Variants in AP2B1 observed in about 807,000 individuals in gnomAD.
AP2B1 encodes adaptor related protein complex 2 subunit beta 1, also known as AP-2 complex subunit beta.
A neutral mutation model predicts 102.0 loss-of-function variants in AP2B1; 23 were observed. The observed-to-expected ratio is 0.23, with a 90% confidence interval of 0.16 to 0.32. The LOEUF (loss-of-function observed/expected upper bound fraction) is 0.32, where lower values mean the gene tolerates loss of function less well. AP2B1 is among the 10% of genes least tolerant of loss of function. The pLI is 1.00. For synonymous variants in AP2B1, 381 were observed against 421.2 expected (o/e 0.90, Z 1.17); for missense variants, 541 against 1,157.4 (o/e 0.47, Z 7.73).
chr17:35,633,763 A>G (rs2074529445), intron 9 of AP2B1, among the ~76,000 whole-genome samples: 1 of 152,234 alleles, frequency 6.6e-6, no homozygotes, highest in Non-Finnish European at 1.5e-5. Context: ...AACTAACAAT[A>G]ATTCTTAATT....
chr17:35,672,564 G>GA (rs1372623857), intron 16 of AP2B1, among the ~76,000 whole-genome samples: 3 of 152,206 alleles, frequency 2.0e-5, no homozygotes, highest in African/African-American at 7.2e-5. Flanking sequence ...CCTTATGGGG[G>GA]ATCCCTGCTA....
At chr17:35,589,231 A>G (rs2073004382) in intron 1 of AP2B1, among the ~76,000 whole-genome samples, 3 of 152,192 alleles carry the variant, frequency 2.0e-5, no homozygotes, top group Admixed American at 2.0e-4. Flanking sequence ...TTATTACTGA[A>G]TATTTGATTA....
At chr17:35,623,097 AT>A (rs11397695) in intron 5 of AP2B1, among the ~76,000 whole-genome samples, 17,825 of 146,420 alleles carry the variant, frequency 0.12, 1,090 homozygotes, top group Middle Eastern at 0.2. Flanking sequence ...GTATGTATGC[AT>A]TTTTTTTTTT....
intron 18 of AP2B1, among the ~76,000 whole-genome samples, chr17:35,687,814 G>C (rs1157829702): frequency 6.6e-6 from 1 of 152,122 alleles, no homozygotes; most frequent in African/African-American, 2.4e-5. Context: ...GCTTCCTAAA[G>C]TGCTGGAATT....
intron 1 of AP2B1, among the ~76,000 whole-genome samples, chr17:35,589,336 A>G (rs1261728757): frequency 6.6e-6 from 1 of 152,222 alleles, no homozygotes; most frequent in Non-Finnish European, 1.5e-5. Context: ...GTTTTTCACT[A>G]TGAGCACTGA....
intron 17 of AP2B1, among the ~76,000 whole-genome samples, chr17:35,676,472 A>G (rs1405600011): frequency 6.6e-6 from 1 of 152,218 alleles, no homozygotes; most frequent in African/African-American, 2.4e-5. Context: ...GTTGTTAAGT[A>G]ATACTCCATT....
Position 35,709,269 on chromosome 17 carries a change from A to G in AP2B1, c.2500A>G (p.Ile834Val). 1 of 1,614,184 alleles carries G rather than the reference A, an allele frequency of 6.2e-7. No homozygotes were observed. Among genetic ancestry groups the G allele is most frequent in the Non-Finnish European group, 8.5e-7 (1 of 1,180,032 alleles). Residue 834 changes from isoleucine (I) to valine (V), a missense_variant, in exon 19 of 22, where the codon ATC becomes GTC. By Grantham distance (29) the Ile-to-Val change is conservative. Around this residue, in one of 10 missense-constraint regions of AP2B1, gnomAD observed 117 missense variants for 206.7 expected, o/e 0.57. Coordinates refer to ENST00000610402, the MANE Select transcript of AP2B1 (RefSeq NM_001030006.2). Reference protein sequence around the residue: ...NIDVFYFSCLIPLNVLFVEDG... With the variant: ...NIDVFYFSCLVPLNVLFVEDG... ...CGATGTCTTCTACTTCAGCTGCCTC[A>G]TCCCACTCAATGTGCTTTTTGTAGA...
At chr17:35,693,099 C>A (rs2076073039) in intron 18 of AP2B1, among the ~76,000 whole-genome samples, 1 of 152,114 alleles carries the variant, frequency 6.6e-6, no homozygotes, top group Non-Finnish European at 1.5e-5. Flanking sequence ...CTCACTACAA[C>A]CTCTGCCTCT....
At chr17:35,611,043 A>G (rs767059025) in intron 5 of AP2B1, among the ~76,000 whole-genome samples, 1 of 152,164 alleles carries the variant, frequency 6.6e-6, no homozygotes, top group Non-Finnish European at 1.5e-5. Flanking sequence ...CCACTGCATT[A>G]TAGCCTGAGT....
At chr17:35,656,280 G>GGGGCCAAGA (rs2075217306) in intron 13 of AP2B1, among the ~76,000 whole-genome samples, 2 of 152,200 alleles carry the variant, frequency 1.3e-5, no homozygotes, top group African/African-American at 2.4e-5. Context: ...GGGGGCCAAG[G>GGGGCCAAGA]TTCATTTTTC....
intron 18 of AP2B1, among the ~76,000 whole-genome samples, chr17:35,693,190 T>C (rs1259725007): frequency 6.6e-6 from 1 of 152,100 alleles, no homozygotes; most frequent in East Asian, 1.9e-4. Flanking sequence ...GCTAATTTTT[T>C]GGATTTTTAG....
chr17:35,637,618 G>A lies in AP2B1; in HGVS notation c.1271+1162G>A, dbSNP rs548120257. Among the ~76,000 whole-genome samples the A allele has an allele frequency of 1.1e-4, 17 of 152,074 alleles. No homozygotes were observed. In the East Asian group the frequency reaches 3.1e-3, roughly 28 times the overall value. On this transcript the variant is annotated intron_variant, in intron 10 of 21. Transcript: ENST00000610402. Reference sequence around the variant, plus strand: ...CATTGTGTATATTTTTAAAATTTTAGAAATAGTTATTTTGGAAAGAGAACC... The same window carrying A: ...CATTGTGTATATTTTTAAAATTTTAAAAATAGTTATTTTGGAAAGAGAACC...
chr17:35,681,620 C>T (rs945394936), intron 17 of AP2B1, among the ~76,000 whole-genome samples: 2 of 152,028 alleles, frequency 1.3e-5, no homozygotes, highest in Non-Finnish European at 2.9e-5. Context: ...GCAGTAAAGA[C>T]ACGGTCTCAT....
intron 5 of AP2B1, among the ~76,000 whole-genome samples, chr17:35,615,391 A>G (rs566607174): frequency 3.2e-4 from 48 of 152,224 alleles, no homozygotes; most frequent in Non-Finnish European, 6.3e-4. Flanking sequence ...GCCTAACATT[A>G]TGCACCTTCC....
intron 4 of AP2B1, among the ~76,000 whole-genome samples, chr17:35,606,614 C>T (rs2142391975): frequency 6.6e-6 from 1 of 152,088 alleles, no homozygotes; most frequent in African/African-American, 2.4e-5. Context: ...CCTAAATATC[C>T]GTCTTGCAGT....
chr17:35,614,650 A>G (rs1470909807), intron 5 of AP2B1, among the ~76,000 whole-genome samples: 2 of 96,018 alleles, frequency 2.1e-5, no homozygotes, highest in Non-Finnish European at 4.5e-5. Context: ...AAACTGTTGA[A>G]TTAGTAAAAA....
intron 10 of AP2B1, among the ~76,000 whole-genome samples, 185 bp from the exon 11 acceptor site, chr17:35,639,410 A>G (rs1343665072): frequency 1.3e-5 from 2 of 152,228 alleles, no homozygotes; most frequent in African/African-American, 4.8e-5. Flanking sequence ...TTAAAAAATA[A>G]TTGAAGGGAA....
chr17:35,656,290 C>A (rs973668683), intron 13 of AP2B1, among the ~76,000 whole-genome samples: 1 of 83,994 alleles, frequency 1.2e-5, no homozygotes, highest in African/African-American at 4.4e-5. Flanking sequence ...GTTCATTTTT[C>A]CCCCACATAG....
intron 20 of AP2B1, among the ~76,000 whole-genome samples, chr17:35,713,543 G>A (rs1350863833): frequency 2.0e-5 from 3 of 152,136 alleles, no homozygotes; most frequent in African/African-American, 4.8e-5. Flanking sequence ...GTCTAGCTGA[G>A]AGCTAAAAAT....
Sources: allele counts gnomAD v4.1 joint callset (sites outside exome capture counted in the v4.1 genomes callset), GRCh38; gene constraint gnomAD v4.1.1; regional missense constraint gnomAD v4.1.1; transcripts MANE v1.5; gene names NCBI Gene and HGNC (gene_info 2026-07-23, HGNC 2026-07-21).